Variants in KMT2C observed in about 807,000 individuals in gnomAD.
KMT2C encodes the protein histone-lysine N-methyltransferase 2C.
A neutral mutation model predicts 507.9 loss-of-function variants in KMT2C; 88 were observed. The observed-to-expected ratio is 0.17, with a 90% CI of 0.15 to 0.21. KMT2C has a LOEUF of 0.21. Ranked by LOEUF, KMT2C falls within the 10% of genes least tolerant of loss-of-function variation. The pLI, the probability that KMT2C is intolerant of heterozygous loss-of-function variation, is 1.00. For missense variants in KMT2C, 4,954 were observed against 5,957.8 expected (o/e 0.83, Z 5.55); for synonymous variants, 2,049 against 2,080.8 (o/e 0.98, Z 0.42).
chr7:152,344,139 G>A (rs1460872337), intron 2 of KMT2C, among the ~76,000 whole-genome samples: 1 of 152,140 alleles, frequency 6.6e-6, no homozygotes, highest in Non-Finnish European at 1.5e-5. Context: ...ACAATACAAG[G>A]GATGCGAGGA....
At chr7:152,198,552 C>T (rs1455834163) in intron 27 of KMT2C, among the ~76,000 whole-genome samples, 1 of 152,150 alleles carries the variant, frequency 6.6e-6, no homozygotes, top group Admixed American at 6.5e-5. Flanking sequence ...CTGATCAAGA[C>T]ACTTACCTAC....
intron 3 of KMT2C, among the ~76,000 whole-genome samples, chr7:152,319,576 CT>C (rs1395635593): frequency 1.3e-5 from 2 of 151,806 alleles, no homozygotes; most frequent in African/African-American, 2.4e-5. Flanking sequence ...TCTCTAAACT[CT>C]TTTAGAGTTT....
At chr7:152,358,734 A>G (rs2097172579) in intron 1 of KMT2C, 59 bp from the exon 2 acceptor site, 2 of 1,112,936 alleles carry the variant, frequency 1.8e-6, no homozygotes, top group Non-Finnish European at 2.7e-6. Context: ...TTTAAGGCTT[A>G]GACTTATATT....
chr7:152,326,014 T>C (rs1462469544), intron 3 of KMT2C, among the ~76,000 whole-genome samples: 1 of 152,114 alleles, frequency 6.6e-6, no homozygotes, highest in Non-Finnish European at 1.5e-5. Context: ...AAATAACCTG[T>C]CCATATTAAT....
rs2129164164 is a variant in KMT2C at position 152,248,266 on chromosome 7, T to A, written c.2168A>T (p.Glu723Val). 6.2e-7 allele frequency: 1 copy of A among 1,613,930 alleles called. No homozygotes were observed. The highest frequency in any genetic ancestry group is 2.2e-5 in the East Asian group (1 of 44,880). Residue 723 changes from glutamate to valine, a missense_variant, in exon 14 of 59, where the codon GAA becomes GTA. Around this residue, in one of 29 missense-constraint regions of KMT2C, gnomAD observed 376 missense variants for 352.4 expected, o/e 1.07. Transcript: ENST00000262189. ...TTCAGAATTTTCTTTCTGTTCCTTTTCTCCTTGTAGCCTTTCTATAACCAA... is the reference window on the plus strand; with the variant it reads ...TTCAGAATTTTCTTTCTGTTCCTTTACTCCTTGTAGCCTTTCTATAACCAA... ...EQLVIERLQG[E>V]KEQKENSELS... is the part of the protein sequence containing the mutation.
chr7:152,240,402 G>A (rs1172092094), intron 14 of KMT2C, among the ~76,000 whole-genome samples: 2 of 152,238 alleles, frequency 1.3e-5, no homozygotes, highest in Admixed American at 6.5e-5. Flanking sequence ...TTCATCTCCT[G>A]TACGTGTTCT....
chr7:152,209,753 A>C (rs1777031562), intron 23 of KMT2C, among the ~76,000 whole-genome samples: 1 of 151,718 alleles, frequency 6.6e-6, no homozygotes, highest in African/African-American at 2.4e-5. Context: ...TAAAAAAAAA[A>C]AAAAAAAGAC....
At chr7:152,192,875 C>T (rs1220868304) in intron 31 of KMT2C, among the ~76,000 whole-genome samples, 21 of 152,050 alleles carry the variant, frequency 1.4e-4, no homozygotes, top group Non-Finnish European at 1.5e-5. Context: ...ATGCTCAAAT[C>T]ATCAGAAATA....
chr7:152,389,876 T>C (rs1428013416), intron 1 of KMT2C, among the ~76,000 whole-genome samples: 1 of 152,200 alleles, frequency 6.6e-6, no homozygotes, highest in Non-Finnish European at 1.5e-5. Context: ...TAAAAAAGAA[T>C]GGAATCATGT....
At chr7:152,349,891 G>A (rs1205898245) in intron 2 of KMT2C, among the ~76,000 whole-genome samples, 1 of 152,064 alleles carries the variant, frequency 6.6e-6, no homozygotes, top group Non-Finnish European at 1.5e-5. Context: ...CGGGGAAGGG[G>A]ATTTATGGGA....
intron 31 of KMT2C, among the ~76,000 whole-genome samples, chr7:152,192,001 G>A (rs2093808762): frequency 6.7e-6 from 1 of 148,984 alleles, no homozygotes; most frequent in African/African-American, 2.5e-5. Flanking sequence ...TAGGCAACCT[G>A]ATTCACCTTG....
intron 16 of KMT2C, among the ~76,000 whole-genome samples, chr7:152,232,169 G>A (rs1401218662): frequency 1.3e-5 from 2 of 152,040 alleles, no homozygotes; most frequent in African/African-American, 2.4e-5. Flanking sequence ...ATGAGCCACC[G>A]CACCCAGCCT....
intron 1 of KMT2C, among the ~76,000 whole-genome samples, chr7:152,381,360 G>T (rs954934915): frequency 6.8e-4 from 104 of 152,162 alleles, no homozygotes; most frequent in Admixed American, 1.3e-3. Flanking sequence ...GGGCAGGGAG[G>T]GGGGGAGGGG....
chr7:152,252,513 C>T, intron 10 of KMT2C, 33 bp downstream of exon 10: 1 of 1,575,882 alleles, frequency 6.3e-7, no homozygotes, highest in East Asian at 2.3e-5. Context: ...AAACAATCGA[C>T]AAAACAACTG....
chr7:152,160,613 TTA>T lies in KMT2C; in HGVS notation c.11460+1502_11460+1503del, dbSNP rs150199893. The stretch of plus-strand genomic sequence containing the variant: ...TGAGTGGCAAGAACCTAAAAATTAA[TTA>T]TATATATATATTTATATATTTATAT... On this transcript the variant is annotated intron_variant, in intron 43 of 58. Coordinates refer to ENST00000262189, the MANE Select transcript of KMT2C (RefSeq NM_170606.3). Among the ~76,000 whole-genome samples the T allele has an allele frequency of 7.6e-3, 1,124 of 147,450 alleles. 19 individuals are homozygous for T. The highest frequency in any genetic ancestry group is 0.027 in the African/African-American group (1,081 of 40,574).
chr7:152,332,965 T>C (rs537718434), intron 2 of KMT2C, among the ~76,000 whole-genome samples: 6 of 152,158 alleles, frequency 3.9e-5, no homozygotes, highest in South Asian at 2.1e-4. Context: ...CCACAAGCTT[T>C]CTTCAAACAT....
At chr7:152,329,962 G>A (rs1347604951) in intron 3 of KMT2C, among the ~76,000 whole-genome samples, 1 of 151,828 alleles carries the variant, frequency 6.6e-6, no homozygotes, top group East Asian at 1.9e-4. Flanking sequence ...TGGCCAACAT[G>A]GTGAAACCCT....
intron 33 of KMT2C, among the ~76,000 whole-genome samples, 170 bp downstream of exon 33, chr7:152,187,090 GTC>G (rs1427954804): frequency 6.6e-6 from 1 of 152,036 alleles, no homozygotes; most frequent in African/African-American, 2.4e-5. Flanking sequence ...TGGATGCAGG[GTC>G]TAGGACAAAG....
intron 1 of KMT2C, among the ~76,000 whole-genome samples, chr7:152,361,423 CGTGGT>C (rs2097196365): frequency 6.6e-6 from 1 of 151,872 alleles, no homozygotes; most frequent in Non-Finnish European, 1.5e-5. Context: ...ATTAGCCGGG[CGTGGT>C]AGTGGGCGCC....
Sources: allele counts gnomAD v4.1 joint callset (sites outside exome capture counted in the v4.1 genomes callset), GRCh38; gene constraint gnomAD v4.1.1; regional missense constraint gnomAD v4.1.1; transcripts MANE v1.5; gene names NCBI Gene and HGNC (gene_info 2026-07-23, HGNC 2026-07-21).